The following SLC12A2 variants were observed in gnomAD, a reference collection of about 807,000 sequenced individuals.
SLC12A2 encodes the protein solute carrier family 12 member 2, also known as Na-K-2Cl cotransporter 1.
A neutral mutation model predicts 136.3 loss-of-function variants in SLC12A2; 67 were observed. The ratio of observed to expected loss-of-function variants is 0.49; its 90% CI spans 0.40 to 0.60. The LOEUF is 0.60. Ranked by LOEUF, SLC12A2 falls within the 20% of genes least tolerant of loss-of-function variation. SLC12A2 has a pLI of 0.00. For synonymous variants in SLC12A2, 619 were observed against 562.9 expected (o/e 1.10, Z -1.41); for missense variants, 1,322 against 1,534.7 (o/e 0.86, Z 2.32).
At chr5:128,100,808 G>T (rs1760716937) in intron 1 of SLC12A2, among the ~76,000 whole-genome samples, 1 of 152,152 alleles carries the variant, frequency 6.6e-6, no homozygotes, top group South Asian at 2.1e-4. Context: ...GAAGGTGTAA[G>T]TTTTCTGGTA....
At chr5:128,152,655 ATTGG>A in intron 14 of SLC12A2, 47 bp from the exon 15 acceptor site, 1 of 1,130,454 alleles carries the variant, frequency 8.8e-7, no homozygotes, top group East Asian at 2.3e-5. Flanking sequence ...TTGGCTATTG[ATTGG>A]TTGTTATTAC....
At chr5:128,108,298 T>G (rs903565173) in intron 1 of SLC12A2, among the ~76,000 whole-genome samples, 2 of 152,144 alleles carry the variant, frequency 1.3e-5, no homozygotes, top group African/African-American at 4.8e-5. Context: ...GCAATTCCAC[T>G]CATAGGTGTA....
chr5:128,167,616 T>C (rs1763243365), intron 17 of SLC12A2, 145 bp from the exon 18 acceptor site: 2 of 498,884 alleles, frequency 4.0e-6, no homozygotes, highest in South Asian at 7.8e-5. Context: ...ATGTAATTTA[T>C]AAGTAAATAT....
intron 1 of SLC12A2, chr5:128,109,594 G>C: frequency 4.1e-6 from 3 of 733,038 alleles, no homozygotes; most frequent in Non-Finnish European, 7.6e-6. Context: ...GGGGACCCAG[G>C]TTAAAAGCAG....
At chr5:128,086,390 C>T (rs1238706646) in intron 1 of SLC12A2, among the ~76,000 whole-genome samples, 2 of 152,110 alleles carry the variant, frequency 1.3e-5, no homozygotes, top group African/African-American at 2.4e-5. Context: ...TTGAAGAAAT[C>T]ACCCAACCTC....
chr5:128,109,129 A>C (rs1761046083), intron 1 of SLC12A2, among the ~76,000 whole-genome samples: 1 of 152,266 alleles, frequency 6.6e-6, no homozygotes, highest in Non-Finnish European at 1.5e-5. Flanking sequence ...AAACATGAGG[A>C]TTAATTAAAA....
intron 22 of SLC12A2, among the ~76,000 whole-genome samples, chr5:128,179,050 A>G (rs1384804630): frequency 1.3e-5 from 2 of 152,216 alleles, no homozygotes; most frequent in South Asian, 2.1e-4. Context: ...TCTTCTGTCT[A>G]CATCTCATCA....
chr5:128,083,851 C>A lies in SLC12A2; in HGVS notation c.-104C>A. 1.2e-6 allele frequency: 1 copy of A among 865,918 alleles called. No homozygotes were observed. Among genetic ancestry groups the A allele is most frequent in the Non-Finnish European group, 1.5e-6 (1 of 660,038 alleles). 53.6% of individuals were successfully genotyped at this position (865,918 alleles called of 1,614,324 possible). On this transcript the variant is annotated 5_prime_UTR_variant, in exon 1 of 27. Coordinates refer to ENST00000262461, the MANE Select transcript of SLC12A2 (RefSeq NM_001046.3). Reference sequence around the variant, plus strand: ...CGCAGGCGGCGGGGAGAAAGACTCTCTCACCTGGTCTTGCGGCTGTGGCCA... The same window carrying A: ...CGCAGGCGGCGGGGAGAAAGACTCTATCACCTGGTCTTGCGGCTGTGGCCA...
chr5:128,147,996 T>A (rs920400548), intron 11 of SLC12A2, among the ~76,000 whole-genome samples: 1 of 151,704 alleles, frequency 6.6e-6, no homozygotes, highest in African/African-American at 2.4e-5. Context: ...TTTTGACATT[T>A]TTAGCATACA....
rs1410267521 is a variant in SLC12A2, at chr5:128,186,500, C to T, written c.3508C>T (p.Leu1170Phe). Residue 1170 changes from leucine to phenylalanine, a missense_variant, in exon 27 of 27, where the codon CTC becomes TTC. Coordinates refer to ENST00000262461, the MANE Select transcript of SLC12A2 (RefSeq NM_001046.3). The stretch of plus-strand genomic sequence containing the variant: ...TTTTTCTCTTTTTGATACCAGGAGT[C>T]TCCCAGTTGCACGAAAAGGTGCTGT... ...SSTANIIVMS[L>F]PVARKGAVSS... The T allele has an allele frequency of 6.2e-7, 1 of 1,603,636 alleles. No individual in the cohort carries two copies. Among genetic ancestry groups the T allele is most frequent in the Non-Finnish European group, 8.5e-7 (1 of 1,176,344 alleles).
intron 5 of SLC12A2, among the ~76,000 whole-genome samples, chr5:128,133,127 A>G (rs1345673709): frequency 6.6e-6 from 1 of 152,072 alleles, no homozygotes; most frequent in African/African-American, 2.4e-5. Context: ...TTCAACGATC[A>G]GATTAATTCA....
intron 10 of SLC12A2, among the ~76,000 whole-genome samples, chr5:128,145,936 C>CA (rs1762517201): frequency 6.6e-6 from 1 of 151,988 alleles, no homozygotes; most frequent in Non-Finnish European, 1.5e-5. Context: ...TCACCATTCA[C>CA]TGCTGGGAGA....
In SLC12A2 at chr5:128,092,585, C is replaced by T. The variant is rs1760375019; in HGVS notation, c.756+7875C>T. On this transcript the variant is annotated intron_variant, in intron 1 of 26. Transcript: ENST00000262461. Reference sequence around the variant, plus strand: ...TTATAATATACCGTATTTTATTTGACACTGTGTCTAAAACATTCATTGCAG... The same window carrying T: ...TTATAATATACCGTATTTTATTTGATACTGTGTCTAAAACATTCATTGCAG... 4.6e-5 allele frequency among the ~76,000 whole-genome samples: 7 copies of T among 152,122 alleles called. No homozygotes were observed. The South Asian group carries it at 1.5e-3, about 32-fold the overall frequency.
intron 5 of SLC12A2, 132 bp downstream of exon 5, chr5:128,131,338 A>G (rs1420902374): frequency 6.3e-5 from 58 of 913,768 alleles, no homozygotes; most frequent in African/African-American, 3.3e-5. Flanking sequence ...AGTTTACTAC[A>G]GGAGATAGGC....
At chr5:128,184,878 A>AT in intron 26 of SLC12A2, 22 bp downstream of exon 26, 1 of 1,544,268 alleles carries the variant, frequency 6.5e-7, no homozygotes, top group East Asian at 2.3e-5. Flanking sequence ...CTTTATAAAG[A>AT]TTTTCTTGCT....
At chr5:128,104,024 G>A (rs746277820) in intron 1 of SLC12A2, among the ~76,000 whole-genome samples, 3 of 152,072 alleles carry the variant, frequency 2.0e-5, no homozygotes, top group Non-Finnish European at 4.4e-5. Flanking sequence ...ATGACAGATC[G>A]AAAGAATTCC....
At chr5:128,104,129 A>G (rs1760838614) in intron 1 of SLC12A2, among the ~76,000 whole-genome samples, 2 of 152,146 alleles carry the variant, frequency 1.3e-5, no homozygotes, top group Admixed American at 1.3e-4. Flanking sequence ...TATCTAAGGG[A>G]AGAGAAAACC....
At chr5:128,155,645 T>C (rs1347226934) in intron 15 of SLC12A2, among the ~76,000 whole-genome samples, 1 of 152,202 alleles carries the variant, frequency 6.6e-6, no homozygotes, top group Non-Finnish European at 1.5e-5. Context: ...AGTTTCTTAC[T>C]GTTTACTGTT....
intron 15 of SLC12A2, among the ~76,000 whole-genome samples, chr5:128,153,668 C>T (rs982294147): frequency 1.3e-5 from 2 of 152,148 alleles, no homozygotes; most frequent in Non-Finnish European, 2.9e-5. Context: ...AAACACAAAT[C>T]TTTTCCATGT....
Sources: allele counts gnomAD v4.1 joint callset (sites outside exome capture counted in the v4.1 genomes callset), GRCh38; gene constraint gnomAD v4.1.1; transcripts MANE v1.5; gene names NCBI Gene and HGNC (gene_info 2026-07-23, HGNC 2026-07-21).